CACNB4: variants seen among roughly 807,000 people sequenced by gnomAD.
CACNB4 encodes voltage-dependent L-type calcium channel subunit beta-4.
A neutral mutation model predicts 71.2 loss-of-function variants in CACNB4; 32 were observed. That is an observed-to-expected ratio of 0.45 (90% CI 0.34 to 0.60). The LOEUF (loss-of-function observed/expected upper bound fraction) is 0.60, where lower values mean the gene tolerates loss of function less well. CACNB4 is among the 20% of genes least tolerant of loss of function. The pLI, the probability that CACNB4 is intolerant of heterozygous loss-of-function variation, is 0.01. For synonymous variants in CACNB4, 231 were observed against 236.9 expected, an observed-to-expected ratio of 0.97 and a Z score of 0.23; for missense variants, 464 against 647.9, an observed-to-expected ratio of 0.72 and a Z score of 3.08.
intron 2 of CACNB4, among the ~76,000 whole-genome samples, chr2:151,999,836 C>T (rs894742639): frequency 4.6e-5 from 7 of 152,142 alleles, no homozygotes; most frequent in African/African-American, 7.2e-5. Context: ...AAACTCTTGG[C>T]GGGGAGAGTC....
intron 2 of CACNB4, among the ~76,000 whole-genome samples, chr2:151,999,546 A>G (rs559359420): frequency 6.1e-4 from 93 of 152,236 alleles, no homozygotes; most frequent in African/African-American, 2.2e-3. Context: ...CAATTTACCC[A>G]ACGGAAATTT....
chr2:151,873,211 CT>C (rs2099845079), intron 5 of CACNB4: 1 of 152,142 alleles, frequency 6.6e-6, no homozygotes, highest in South Asian at 2.1e-4. Context: ...AGACAAAATC[CT>C]TTCCCTTATT....
intron 2 of CACNB4, among the ~76,000 whole-genome samples, chr2:151,989,840 T>G (rs905463537): frequency 3.3e-5 from 5 of 152,164 alleles, no homozygotes; most frequent in Admixed American, 1.3e-4. Flanking sequence ...TAAAACAGAG[T>G]GACTACCCAC....
At chr2:151,854,846 A>G (rs2099839870) in intron 11 of CACNB4, 1 of 162,098 alleles carries the variant, frequency 6.2e-6, no homozygotes, top group African/African-American at 2.4e-5. Context: ...TGATCAATAT[A>G]GATGTACTCT....
intron 2 of CACNB4, among the ~76,000 whole-genome samples, chr2:152,026,564 T>C (rs1683985764): frequency 6.6e-6 from 1 of 152,160 alleles, no homozygotes; most frequent in South Asian, 2.1e-4. Context: ...TTTGTACTTT[T>C]AGCAGAGATG....
At chr2:151,850,141 C>CTTTCTTTCTTTCTT (rs1553744905) in intron 12 of CACNB4, 1 of 98,162 alleles carries the variant, frequency 1.0e-5, no homozygotes, top group Non-Finnish European at 1.9e-5. Flanking sequence ...TTCTTTCTTT[C>CTTTCTTTCTTTCTT]TTTTTTTTTT....
chr2:152,098,793 G>T lies in CACNB4; in HGVS notation c.63+156C>A, dbSNP rs1411958235. Reference sequence around the variant, plus strand: ...AGGAGAAAGAGGAGGAGCGGGAGGAGAAAGGGACGTGGAGGAGGGGTGGGG... The same window carrying T: ...AGGAGAAAGAGGAGGAGCGGGAGGATAAAGGGACGTGGAGGAGGGGTGGGG... On this transcript the variant is annotated intron_variant, in intron 1 of 13. Transcript: ENST00000539935. This position sits in a 1 kb window ranked among gnomAD's most constrained non-coding sequence, Gnocchi z 5.3. The T allele has an allele frequency of 4.5e-6, 4 of 891,592 alleles. No individual in the cohort carries two copies. The highest frequency in any genetic ancestry group is 3.4e-5 in the African/African-American group (2 of 58,738). 55.2% of individuals were successfully genotyped at this position (891,592 alleles called of 1,614,324 possible).
chr2:152,071,681 T>C (rs1442120036), intron 2 of CACNB4, among the ~76,000 whole-genome samples: 1 of 152,326 alleles, frequency 6.6e-6, no homozygotes, highest in South Asian at 2.1e-4. Context: ...ATTGGGCCTA[T>C]AGTAACCCGA....
At chr2:151,994,352 C>T (rs1053233746) in intron 2 of CACNB4, among the ~76,000 whole-genome samples, 8 of 151,246 alleles carry the variant, frequency 5.3e-5, no homozygotes, top group African/African-American at 1.5e-4. Context: ...GGATTAAAGG[C>T]GTGTGCCACC....
At chr2:151,845,189 G>A (rs781001946) in intron 12 of CACNB4, among the ~76,000 whole-genome samples, 2 of 152,184 alleles carry the variant, frequency 1.3e-5, no homozygotes, top group African/African-American at 2.4e-5. Flanking sequence ...GCCAATGAAT[G>A]GATAGAATTT....
chr2:151,874,420 A>G (rs984133391), intron 5 of CACNB4, among the ~76,000 whole-genome samples: 15 of 151,720 alleles, frequency 9.9e-5, no homozygotes, highest in Non-Finnish European at 1.9e-4. Context: ...GTGAGCCAAA[A>G]TTGCGCCACT....
intron 2 of CACNB4, among the ~76,000 whole-genome samples, chr2:152,010,585 C>G (rs1331550268): frequency 1.3e-5 from 2 of 152,132 alleles, no homozygotes; most frequent in Admixed American, 6.5e-5. Flanking sequence ...GTATAGCACC[C>G]CTTAAGTGGA....
chr2:151,982,461 G>A (rs1042621160), intron 2 of CACNB4, among the ~76,000 whole-genome samples: 1 of 151,924 alleles, frequency 6.6e-6, no homozygotes, highest in Non-Finnish European at 1.5e-5. Flanking sequence ...GTGAAACCCT[G>A]TCTCTACTAA....
rs980369784 is a variant in CACNB4 at position 151,835,895 on chromosome 2, T to G, written c.*3224A>C. On this transcript the variant is annotated 3_prime_UTR_variant, in exon 14 of 14. Coordinates refer to ENST00000539935, the MANE Select transcript of CACNB4 (RefSeq NM_000726.5). ...CAGAATTTGTTTTACATTAATAAAA[T>G]TCATTTCATTAAAGACTAACTGCAA... 6.6e-5 allele frequency: 10 copies of G among 151,858 alleles called. No individual in the cohort carries two copies. The highest frequency in any genetic ancestry group is 4.6e-4 in the Admixed American group (7 of 15,256). The allele number at this position is 151,858 out of a possible 1,614,324, so 9.4% of individuals were successfully genotyped here. A position where few individuals can be genotyped will look rare whatever the true frequency, so the allele number is the denominator to read the frequency against.
intron 2 of CACNB4, among the ~76,000 whole-genome samples, chr2:152,053,834 C>A (rs1044067592): frequency 6.6e-6 from 1 of 152,052 alleles, no homozygotes; most frequent in Non-Finnish European, 1.5e-5. Flanking sequence ...CCTGCTCCAG[C>A]AAATTAACTG....
At chr2:152,022,533 G>A (rs887516806) in intron 2 of CACNB4, among the ~76,000 whole-genome samples, 2 of 152,146 alleles carry the variant, frequency 1.3e-5, no homozygotes, top group African/African-American at 4.8e-5. Context: ...GACAAGAAGT[G>A]CAATATTCCT....
At chr2:151,985,592 G>A (rs1681311455) in intron 2 of CACNB4, among the ~76,000 whole-genome samples, 3 of 151,726 alleles carry the variant, frequency 2.0e-5, no homozygotes, top group African/African-American at 7.3e-5. Context: ...CCAACAATAC[G>A]ACAAACAGGG....
At chr2:151,979,254 C>T (rs1479838991) in intron 2 of CACNB4, among the ~76,000 whole-genome samples, 1 of 152,060 alleles carries the variant, frequency 6.6e-6, no homozygotes, top group Non-Finnish European at 1.5e-5. Context: ...TAGAGACGTG[C>T]AGAGGAAAAG....
At chr2:151,895,955 C>T (rs1251581372) in intron 2 of CACNB4, among the ~76,000 whole-genome samples, 1 of 151,932 alleles carries the variant, frequency 6.6e-6, no homozygotes, top group Non-Finnish European at 1.5e-5. Context: ...AGCAATTCTC[C>T]TGCATCAGCC....
Sources: allele counts gnomAD v4.1 joint callset (sites outside exome capture counted in the v4.1 genomes callset), GRCh38; gene constraint gnomAD v4.1.1; non-coding constraint Gnocchi (gnomAD v3.1); transcripts MANE v1.5; gene names NCBI Gene and HGNC (gene_info 2026-07-23, HGNC 2026-07-21).